Variants in MRPS22 observed in about 807,000 individuals in gnomAD.
MRPS22 encodes the protein small ribosomal subunit protein mS22.
A neutral mutation model predicts 44.0 loss-of-function variants in MRPS22; 30 were observed. The observed-to-expected ratio is 0.68, with a 90% CI of 0.51 to 0.93. MRPS22 has a LOEUF of 0.93. MRPS22 is among the 40% of genes least tolerant of loss of function. The probability of loss-of-function intolerance (pLI) is 0.00; values close to 1 mark genes in which losing one functional copy is unlikely to be tolerated. For missense variants in MRPS22, 447 were observed against 447.8 expected (o/e 1.00, Z 0.02); for synonymous variants, 165 against 154.4 (o/e 1.07, Z -0.51).
chr3:139,355,574 T>C (rs1234884109), intron 6 of MRPS22, 108 bp from the exon 7 acceptor site: 4 of 924,132 alleles, frequency 4.3e-6, no homozygotes, highest in South Asian at 2.8e-5. Context: ...CCCTCCAGCC[T>C]GAGGAAAGTC....
chr3:139,347,182 A>G (rs2107787434), intron 2 of MRPS22, 138 bp downstream of exon 2: 1 of 1,029,186 alleles, frequency 9.7e-7, no homozygotes, highest in East Asian at 2.6e-5. Flanking sequence ...AACTGAGAAA[A>G]GAAATGTGAG....
rs1560010072 is a variant in MRPS22, at chr3:139,356,962, T to G, written c.1031T>G (p.Leu344Arg). The G allele has an allele frequency of 6.2e-7, 1 of 1,613,214 alleles. No individual in the cohort carries two copies. Among genetic ancestry groups the G allele is most frequent in the Admixed American group, 1.7e-5 (1 of 60,010 alleles). Residue 344 changes from leucine (L) to arginine (R), a missense_variant, in exon 8 of 8, where the codon CTA (leucine) becomes CGA (arginine). Transcript: ENST00000680020. ...GCACAGAAGGGAGCCTATATAGAAC[T>G]AACACTGCAGACTTATCAAGAAGCA... ...TEAQKGAYIE[L>R]TLQTYQEALS...
At chr3:139,354,716 T>G (rs999811602) in intron 6 of MRPS22, among the ~76,000 whole-genome samples, 8 of 152,078 alleles carry the variant, frequency 5.3e-5, no homozygotes, top group African/African-American at 1.9e-4. Flanking sequence ...CCAGCTCAGG[T>G]AAGGGGAACG....
At chr3:139,351,395 G>A (rs1941149285) in intron 5 of MRPS22, 1 of 360,502 alleles carries the variant, frequency 2.8e-6, no homozygotes, top group African/African-American at 2.1e-5. Flanking sequence ...AAATTTTGCT[G>A]AAGTACAGTG....
intron 4 of MRPS22, 52 bp from the exon 5 acceptor site, chr3:139,350,925 G>A (rs368214218): frequency 2.9e-4 from 419 of 1,447,722 alleles, no homozygotes; most frequent in Non-Finnish European, 3.7e-4. Context: ...ATCAGGACAG[G>A]TGCTGAACTT....
chr3:139,347,007 C>G lies in MRPS22; in HGVS notation c.302C>G (p.Pro101Arg). 1 of 1,614,156 alleles carries G rather than the reference C, an allele frequency of 6.2e-7. No individual in the cohort carries two copies. The stretch of plus-strand genomic sequence containing the variant: ...CCAGCTATACAAGAACTGAAGCCAC[C>G]AACCTATAAGCTAATGACTCAGGCA... Reference protein sequence around the residue: ...FKPAIQELKPPTYKLMTQAQL... With the variant: ...FKPAIQELKPRTYKLMTQAQL... The change falls in exon 2 of 8, where the codon CCA becomes CGA. Residue 101 changes from proline to arginine, a missense_variant. Pro to Arg is a moderately radical substitution (Grantham distance 103). Coordinates refer to ENST00000680020, the MANE Select transcript of MRPS22 (RefSeq NM_020191.4).
chr3:139,348,299 A>T lies in MRPS22; in HGVS notation c.479A>T (p.Asp160Val). 2 of 1,614,104 alleles carry T rather than the reference A, an allele frequency of 1.2e-6. No individual in the cohort carries two copies. The highest frequency in any genetic ancestry group is 1.7e-6 in the Non-Finnish European group (2 of 1,179,996). Residue 160 changes from aspartate (D) to valine (V), a missense_variant, in exon 3 of 8, where the codon GAT becomes GTT. Transcript: ENST00000680020. ...GTETTKYVFTDISYSIPHRER... is the reference protein window; with the variant it reads ...GTETTKYVFTVISYSIPHRER... The stretch of plus-strand genomic sequence containing the variant: ...GAAACAACCAAATATGTGTTTACTG[A>T]TATATCATATAGCATACCACACCGG...
At chr3:139,346,226 G>A (rs141213534) in intron 1 of MRPS22, among the ~76,000 whole-genome samples, 6 of 152,078 alleles carry the variant, frequency 3.9e-5, no homozygotes, top group African/African-American at 1.4e-4. Flanking sequence ...TTTCTCTGCC[G>A]TGATGAGGCT....
At chr3:139,354,441 A>G (rs997705092) in intron 6 of MRPS22, among the ~76,000 whole-genome samples, 1 of 152,310 alleles carries the variant, frequency 6.6e-6, no homozygotes, top group Middle Eastern at 3.4e-3. Context: ...CCTAAGCTCC[A>G]AAGGGAATCT....
intron 1 of MRPS22, 101 bp downstream of exon 1, chr3:139,344,299 C>T: frequency 7.9e-7 from 1 of 1,262,740 alleles, no homozygotes; most frequent in East Asian, 2.5e-5. Context: ...GACACGTATC[C>T]TAGCGCTTCC....
chr3:139,356,244 T>C (rs1321985682), intron 7 of MRPS22, among the ~76,000 whole-genome samples: 3 of 152,238 alleles, frequency 2.0e-5, no homozygotes, highest in Non-Finnish European at 4.4e-5. Flanking sequence ...TTGTATATCA[T>C]CAAGCCTTAG....
chr3:139,353,920 A>G lies in MRPS22; in HGVS notation c.878+1128A>G, dbSNP rs529951971. ...TTTATTATTAAAACAGTATGTTCTT[A>G]CAAAAAATTAGAGCAACGCAGAAAT... On this transcript the variant is annotated intron_variant, in intron 6 of 7. Transcript: ENST00000680020. 2.0e-5 allele frequency among the ~76,000 whole-genome samples: 3 copies of G among 152,344 alleles called. No individual in the cohort carries two copies. In the South Asian group the frequency reaches 6.2e-4, roughly 32 times the overall value.
intron 4 of MRPS22, chr3:139,350,736 G>A (rs1213383809): frequency 9.4e-6 from 5 of 532,590 alleles, no homozygotes; most frequent in South Asian, 2.0e-5. Flanking sequence ...ATGCCTGGCC[G>A]ACTTCTTTCT....
chr3:139,344,736 T>TA (rs1168529913), intron 1 of MRPS22: 1 of 695,086 alleles, frequency 1.4e-6, no homozygotes, highest in Admixed American at 2.1e-5. Context: ...TGATAAGGCT[T>TA]GATTAAGGCT....
intron 3 of MRPS22, chr3:139,348,639 A>G (rs139607892): frequency 2.0e-4 from 58 of 293,644 alleles, no homozygotes; most frequent in African/African-American, 1.2e-3. Context: ...CTACAAGGCA[A>G]TGGAAGCAGG....
At chr3:139,354,520 T>A (rs774113056) in intron 6 of MRPS22, among the ~76,000 whole-genome samples, 43 of 152,176 alleles carry the variant, frequency 2.8e-4, no homozygotes, top group Non-Finnish European at 4.1e-4. Flanking sequence ...ACAAGCACAA[T>A]AGATTTGTGA....
In MRPS22 at chr3:139,350,263, T is replaced by C; in HGVS notation, c.589T>C (p.Phe197Leu). The C allele has an allele frequency of 1.2e-6, 2 of 1,614,168 alleles. No individual in the cohort carries two copies. The highest frequency in any genetic ancestry group is 4.5e-5 in the East Asian group (2 of 44,874). Reference protein sequence around the residue: ...EERDRMIQVYFPKEGRKILTP... With the variant: ...EERDRMIQVYLPKEGRKILTP... ...ACGGGACCGAATGATACAAGTTTAT[T>C]TCCCAAAAGAAGGTCGTAAAATTTT... Residue 197 changes from phenylalanine to leucine, a missense_variant, in exon 4 of 8, where the codon TTC becomes CTC. Physicochemically the swap from Phe to Leu is conservative, Grantham distance 22. Coordinates refer to ENST00000680020, the MANE Select transcript of MRPS22 (RefSeq NM_020191.4).
intron 5 of MRPS22, chr3:139,351,434 A>T (rs574133754): frequency 1.2e-5 from 4 of 345,028 alleles, no homozygotes; most frequent in Non-Finnish European, 2.3e-5. Flanking sequence ...GTAAGTATTC[A>T]TTAGTACCTT....
Position 139,350,681 on chromosome 3 carries a change from CG to C in MRPS22, c.649-295del, listed in dbSNP as rs112795230. 324,542 of 439,084 alleles carry C rather than the reference CG, an allele frequency of 0.74. 123,955 individuals are homozygous for C. The highest frequency in any genetic ancestry group is 0.9 in the East Asian group (18,962 of 21,038). 27.2% of individuals were successfully genotyped at this position (439,084 alleles called of 1,614,324 possible). A position where few individuals can be genotyped will look rare whatever the true frequency, so the allele number is the denominator to read the frequency against. ...GACCTCGGGATTCGCACCCCCCCCC[CG>C]CAATCCGACTCCCAAAGTGCTGGGA... On this transcript the variant is annotated intron_variant, in intron 4 of 7. Coordinates refer to ENST00000680020, the MANE Select transcript of MRPS22 (RefSeq NM_020191.4).
Sources: gnomAD v4.1 joint callset for allele counts (sites outside exome capture counted in the v4.1 genomes callset) on GRCh38, gnomAD v4.1.1 for gene constraint, MANE v1.5 for transcripts, NCBI Gene and HGNC (gene_info 2026-07-23, HGNC 2026-07-21) for gene names.